UEVLD: variants seen among roughly 807,000 people sequenced by gnomAD.
UEVLD encodes UEV and lactate/malate dehyrogenase domains, also known as ubiquitin-conjugating enzyme E2 variant 3.
A neutral mutation model predicts 58.6 loss-of-function variants in UEVLD; 47 were observed. The ratio of observed to expected loss-of-function variants is 0.80; its 90% CI spans 0.63 to 1.02. UEVLD has a LOEUF of 1.02. Among genes scored for constraint, UEVLD ranks in the 50% least tolerant of loss-of-function variants. UEVLD has a pLI of 0.00. For synonymous variants in UEVLD, 197 were observed against 195.3 expected, an observed-to-expected ratio of 1.01 and a Z score of -0.07; for missense variants, 510 against 550.6, an observed-to-expected ratio of 0.93 and a Z score of 0.74.
rs995937312 is a variant in UEVLD, at chr11:18,531,588, T to C, written c.*732A>G. The stretch of plus-strand genomic sequence containing the variant: ...ATTCATAATCTATTTCCACTAAAAA[T>C]ATATATTTGCTTATGGTTCCACTAA... On this transcript the variant is annotated 3_prime_UTR_variant, in exon 12 of 12. Coordinates refer to ENST00000396197, the MANE Select transcript of UEVLD (RefSeq NM_001040697.4). 6.6e-6 allele frequency: 1 copy of C among 152,170 alleles called. No individual in the cohort carries two copies. The highest frequency in any genetic ancestry group is 1.5e-5 in the Non-Finnish European group (1 of 68,016). 9.4% of individuals were successfully genotyped at this position (152,170 alleles called of 1,614,324 possible). A position where few individuals can be genotyped will look rare whatever the true frequency, so the allele number is the denominator to read the frequency against.
chr11:18,534,174 A>G (rs1196126204), intron 11 of UEVLD, among the ~76,000 whole-genome samples, 156 bp downstream of exon 11: 1 of 152,200 alleles, frequency 6.6e-6, no homozygotes, highest in Non-Finnish European at 1.5e-5. Context: ...GCTAAGCAGG[A>G]TAGGGCTTAA....
chr11:18,549,580 G>C (rs968915222), intron 7 of UEVLD, among the ~76,000 whole-genome samples: 1 of 150,844 alleles, frequency 6.6e-6, no homozygotes, highest in African/African-American at 2.4e-5. Context: ...CACTGAGCCC[G>C]GCTAATTTTT....
At chr11:18,532,612 T>C in intron 11 of UEVLD, 125 bp from the exon 12 acceptor site, 1 of 704,340 alleles carries the variant, frequency 1.4e-6, no homozygotes. Flanking sequence ...AAAAAATTTT[T>C]TTGTTCATTT....
chr11:18,572,536 G>A (rs1852677659), intron 3 of UEVLD, among the ~76,000 whole-genome samples: 1 of 152,128 alleles, frequency 6.6e-6, no homozygotes, highest in African/African-American at 2.4e-5. Context: ...TGGGCGCGGT[G>A]GCTCACGCCT....
intron 1 of UEVLD, among the ~76,000 whole-genome samples, chr11:18,584,993 G>C (rs1853466674): frequency 6.6e-6 from 1 of 152,054 alleles, no homozygotes; most frequent in Non-Finnish European, 1.5e-5. Context: ...CCAATACTTT[G>C]TCAGTTATGT....
rs1438414381 is a variant in UEVLD, at chr11:18,530,600, G to A, written c.*1720C>T. 1 of 152,328 alleles carries A rather than the reference G, an allele frequency of 6.6e-6. No individual in the cohort carries two copies. The highest frequency in any genetic ancestry group is 2.4e-5 in the African/African-American group (1 of 41,410). 9.4% of individuals were successfully genotyped at this position (152,328 alleles called of 1,614,324 possible). A position where few individuals can be genotyped will look rare whatever the true frequency, so the allele number is the denominator to read the frequency against. On this transcript the variant is annotated 3_prime_UTR_variant, in exon 12 of 12. Transcript: ENST00000396197. ...GGGTCTCACTCTGTTGCCTAGGCTG[G>A]AGTGCAGTAGCATGATCATAGCTCA...
intron 3 of UEVLD, among the ~76,000 whole-genome samples, chr11:18,574,390 G>A (rs1852793222): frequency 6.6e-6 from 1 of 152,126 alleles, no homozygotes; most frequent in African/African-American, 2.4e-5. Context: ...TGCCCACCTA[G>A]GCCTCCCAAA....
At chr11:18,541,977 G>A (rs1295289317) in intron 9 of UEVLD, among the ~76,000 whole-genome samples, 1 of 152,108 alleles carries the variant, frequency 6.6e-6, no homozygotes, top group African/African-American at 2.4e-5. Flanking sequence ...GTCCCTTCCA[G>A]CTCTCTAATA....
chr11:18,545,072 A>ATC (rs1368870823), intron 8 of UEVLD, among the ~76,000 whole-genome samples: 1 of 44,888 alleles, frequency 2.2e-5, no homozygotes, highest in Non-Finnish European at 5.3e-5. Flanking sequence ...ATCTATATCT[A>ATC]TATTTTTTTT....
intron 7 of UEVLD, among the ~76,000 whole-genome samples, chr11:18,554,727 T>G (rs1437690075): frequency 6.6e-6 from 1 of 152,144 alleles, no homozygotes; most frequent in Non-Finnish European, 1.5e-5. Flanking sequence ...TTTCTCCAGA[T>G]TGTCGGTATA....
intron 11 of UEVLD, among the ~76,000 whole-genome samples, chr11:18,533,669 G>C (rs887615351): frequency 6.6e-6 from 1 of 152,186 alleles, no homozygotes; most frequent in African/African-American, 2.4e-5. Flanking sequence ...AGGGTGAGAA[G>C]GCAACCTGAT....
Position 18,530,018 on chromosome 11 carries a change from ATT to A in UEVLD, c.*2300_*2301del, listed in dbSNP as rs1850504365. ...GAGTAACAGTAGGTGTTAAATAAAC[ATT>A]TGTTGTATTGACATGTTCCTTTTAT... On this transcript the variant is annotated 3_prime_UTR_variant, in exon 12 of 12. Transcript: ENST00000396197. The A allele has an allele frequency of 1.3e-5, 2 of 152,280 alleles. No homozygotes were observed. The highest frequency in any genetic ancestry group is 1.3e-4 in the Admixed American group (2 of 15,294). The allele number at this position is 152,280 out of a possible 1,614,324, so 9.4% of individuals were successfully genotyped here.
chr11:18,572,819 A>G (rs1394983671), intron 3 of UEVLD, among the ~76,000 whole-genome samples: 2 of 151,868 alleles, frequency 1.3e-5, no homozygotes, highest in African/African-American at 4.8e-5. Context: ...AAAAAAAAAA[A>G]AGGCAGACAA....
rs59281820 is a variant in UEVLD at position 18,530,726 on chromosome 11, C to CT, written c.*1593dup. 29,332 of 135,444 alleles carry CT rather than the reference C, an allele frequency of 0.22. 3,514 individuals carry two copies. The highest frequency in any genetic ancestry group is 0.28 in the African/African-American group (10,123 of 35,930). The allele number at this position is 135,444 out of a possible 1,614,324, so 8.4% of individuals were successfully genotyped here. A position where few individuals can be genotyped will look rare whatever the true frequency, so the allele number is the denominator to read the frequency against. On this transcript the variant is annotated 3_prime_UTR_variant, in exon 12 of 12. Transcript: ENST00000396197. ...TCACCACACCTGGCTAATTTTTAAA[C>CT]TTTTTTTTTTTTTTTTTGAGACGGA...
intron 2 of UEVLD, among the ~76,000 whole-genome samples, chr11:18,577,587 T>C (rs914441143): frequency 2.6e-5 from 4 of 152,064 alleles, no homozygotes; most frequent in African/African-American, 9.7e-5. Context: ...AAAGAGCCCA[T>C]GGTCGGGCAC....
chr11:18,588,716 C>T lies in UEVLD; in HGVS notation c.-62G>A. 1.3e-6 allele frequency: 2 copies of T among 1,569,898 alleles called. No homozygotes were observed. The highest frequency in any genetic ancestry group is 1.1e-5 in the South Asian group (1 of 87,736). ...GCCCCCGGACCTTCTTCCGGACTTG[C>T]TGCAGGACGGAAGCCGCTGAGGACC... On this transcript the variant is annotated 5_prime_UTR_variant, in exon 1 of 12. Coordinates refer to ENST00000396197, the MANE Select transcript of UEVLD (RefSeq NM_001040697.4).
At chr11:18,586,537 TAG>T (rs2134083420) in intron 1 of UEVLD, among the ~76,000 whole-genome samples, 1 of 152,170 alleles carries the variant, frequency 6.6e-6, no homozygotes, top group East Asian at 1.9e-4. Flanking sequence ...TTCTACTTTT[TAG>T]AGACACGGTC....
chr11:18,542,656 A>T (rs750032938), intron 9 of UEVLD, among the ~76,000 whole-genome samples: 1 of 152,122 alleles, frequency 6.6e-6, no homozygotes, highest in Non-Finnish European at 1.5e-5. Flanking sequence ...AGAAAACTAT[A>T]AATTTTTAAA....
chr11:18,588,070 T>C (rs1014431551), intron 1 of UEVLD, among the ~76,000 whole-genome samples: 18 of 152,108 alleles, frequency 1.2e-4, no homozygotes, highest in Admixed American at 9.2e-4. Flanking sequence ...TTAGTACCTA[T>C]GGTGTTGTCA....
Sources: allele counts gnomAD v4.1 joint callset (sites outside exome capture counted in the v4.1 genomes callset), GRCh38; gene constraint gnomAD v4.1.1; transcripts MANE v1.5; gene names NCBI Gene and HGNC (gene_info 2026-07-23, HGNC 2026-07-21).